The following MACROD2 variants were observed in gnomAD, a reference collection of about 807,000 sequenced individuals.
The protein encoded by MACROD2 is mono-ADP ribosylhydrolase 2.
A neutral mutation model predicts 70.4 loss-of-function variants in MACROD2; 36 were observed. That is an observed-to-expected ratio of 0.51 (90% CI 0.39 to 0.68). The LOEUF is 0.68. Ranked by LOEUF, MACROD2 falls within the 30% of genes least tolerant of loss-of-function variation. The pLI, the probability that MACROD2 is intolerant of heterozygous loss-of-function variation, is 0.00. For missense variants in MACROD2, 496 were observed against 538.4 expected (o/e 0.92, Z 0.78); for synonymous variants, 172 against 178.8 (o/e 0.96, Z 0.30).
chr20:14,355,565 ATG>A (rs1367218226), intron 3 of MACROD2, among the ~76,000 whole-genome samples: 1 of 145,160 alleles, frequency 6.9e-6, no homozygotes. Context: ...GTAACCATTT[ATG>A]TGGTTTTTTT....
chr20:15,139,850 TG>T (rs1464453763), intron 5 of MACROD2, among the ~76,000 whole-genome samples: 1 of 152,180 alleles, frequency 6.6e-6, no homozygotes, highest in Non-Finnish European at 1.5e-5. Flanking sequence ...GGTGGTGACA[TG>T]CACAAGTGGC....
intron 2 of MACROD2, among the ~76,000 whole-genome samples, chr20:14,058,091 T>C (rs1313986895): frequency 6.6e-6 from 1 of 152,198 alleles, no homozygotes. Flanking sequence ...ATTGGGCTTC[T>C]AGGTATTAGT....
intron 8 of MACROD2, among the ~76,000 whole-genome samples, chr20:15,568,396 G>A (rs549165663): frequency 6.6e-6 from 1 of 152,278 alleles, no homozygotes; most frequent in Non-Finnish European, 1.5e-5. Context: ...GGAATGTTCA[G>A]TGACTAGACA....
rs544400022 is a variant in MACROD2, at chr20:14,984,886, G to A, written c.419-245054G>A. 4.6e-5 allele frequency among the ~76,000 whole-genome samples: 7 copies of A among 152,250 alleles called. No homozygotes were observed. In the South Asian group the frequency reaches 1.2e-3, roughly 27 times the overall value. ...GCTCCACTCCACCTCTCAGGCTTTT[G>A]GTTTTATCAGATTGTGTCTATAACA... On this transcript the variant is annotated intron_variant, in intron 5 of 17. Transcript: ENST00000684519.
intron 3 of MACROD2, among the ~76,000 whole-genome samples, chr20:14,473,107 T>C (rs1279382523): frequency 6.6e-6 from 1 of 152,232 alleles, no homozygotes; most frequent in African/African-American, 2.4e-5. Context: ...GTATACAATA[T>C]GTAATGATCA....
At chr20:15,783,813 A>G (rs953819194) in intron 8 of MACROD2, among the ~76,000 whole-genome samples, 5 of 152,016 alleles carry the variant, frequency 3.3e-5, no homozygotes, top group Non-Finnish European at 7.4e-5. Flanking sequence ...AGACTGGTGG[A>G]GTTTACCCCA....
chr20:14,043,600 G>A (rs538645260), intron 2 of MACROD2, among the ~76,000 whole-genome samples: 6 of 152,182 alleles, frequency 3.9e-5, no homozygotes, highest in Non-Finnish European at 8.8e-5. Context: ...TAGACTGAGT[G>A]GGAAAACCTA....
chr20:14,653,112 G>C lies in MACROD2; in HGVS notation c.302-31731G>C, dbSNP rs1416962234. Among the ~76,000 whole-genome samples, 5 of 150,922 alleles carry C rather than the reference G, an allele frequency of 3.3e-5. No individual in the cohort carries two copies. In the South Asian group the frequency reaches 1.1e-3, roughly 32 times the overall value. ...GTTGCCCAGGCTGGAGTGCAATGGC[G>C]TGATCATGGCTCACTGCAGCCTCGA... is the stretch of plus-strand genomic sequence containing the variant. On this transcript the variant is annotated intron_variant, in intron 4 of 17. Coordinates refer to ENST00000684519, the MANE Select transcript of MACROD2 (RefSeq NM_001351661.2).
chr20:15,447,466 G>A (rs11698317), intron 7 of MACROD2, among the ~76,000 whole-genome samples: 17,005 of 152,204 alleles, frequency 0.11, 1,128 homozygotes, highest in South Asian at 0.27. Flanking sequence ...CACAGTGTTA[G>A]AGCTGCTAAA....
chr20:15,410,427 T>A (rs2046061180), intron 6 of MACROD2, among the ~76,000 whole-genome samples: 1 of 152,216 alleles, frequency 6.6e-6, no homozygotes, highest in African/African-American at 2.4e-5. Context: ...GAATATCATC[T>A]CTCATGGCTG....
chr20:14,071,258 T>G (rs185115454), intron 2 of MACROD2, among the ~76,000 whole-genome samples: 17,453 of 95,176 alleles, frequency 0.18, 1,827 homozygotes, highest in South Asian at 0.3. Context: ...TTGTGTTTTT[T>G]TTTTTTTTTT....
chr20:14,975,820 G>A (rs746657865), intron 5 of MACROD2, among the ~76,000 whole-genome samples: 4 of 152,148 alleles, frequency 2.6e-5, no homozygotes, highest in African/African-American at 9.7e-5. Flanking sequence ...CTGAAGCGGA[G>A]TGAGAACATT....
chr20:15,573,494 A>G (rs924996248), intron 8 of MACROD2, among the ~76,000 whole-genome samples: 2 of 152,198 alleles, frequency 1.3e-5, no homozygotes, highest in Admixed American at 1.3e-4. Context: ...TAATCAAGGC[A>G]TAGAAAGAAG....
At chr20:14,321,557 G>T (rs567600015) in intron 3 of MACROD2, among the ~76,000 whole-genome samples, 9 of 152,238 alleles carry the variant, frequency 5.9e-5, no homozygotes, top group African/African-American at 2.2e-4. Context: ...ATGCTAAGAA[G>T]GAAAAAGGAA....
Position 15,176,858 on chromosome 20 carries a change from G to A in MACROD2, c.419-53082G>A, listed in dbSNP as rs191096644. ...AGACCTAGGGAATCCCCTAGCCAGA[G>A]CTGTGACACCCTCTTTGGGGCTCTG... On this transcript the variant is annotated intron_variant, in intron 5 of 17. Transcript: ENST00000684519. Among the ~76,000 whole-genome samples the A allele has an allele frequency of 2.1e-3, 324 of 152,322 alleles. 1 individual carries two copies. The highest frequency in any genetic ancestry group is 3.7e-3 in the Non-Finnish European group (250 of 68,018).
chr20:14,231,148 T>TA (rs1601379478), intron 3 of MACROD2, among the ~76,000 whole-genome samples: 1 of 151,964 alleles, frequency 6.6e-6, no homozygotes, highest in Non-Finnish European at 1.5e-5. Context: ...CTTTTTTTTT[T>TA]AAATTATACT....
intron 10 of MACROD2, among the ~76,000 whole-genome samples, chr20:15,922,090 C>T (rs965109358): frequency 2.6e-5 from 4 of 152,124 alleles, no homozygotes; most frequent in Admixed American, 6.5e-5. Flanking sequence ...GCCCTCAGGC[C>T]GCATATTCAA....
intron 6 of MACROD2, among the ~76,000 whole-genome samples, chr20:15,379,594 C>T (rs1272112863): frequency 6.6e-6 from 1 of 152,128 alleles, no homozygotes; most frequent in Non-Finnish European, 1.5e-5. Flanking sequence ...CACTTCTTTT[C>T]TCCCCAAACT....
chr20:14,943,189 A>G (rs2074404440), intron 5 of MACROD2, among the ~76,000 whole-genome samples: 1 of 152,212 alleles, frequency 6.6e-6, no homozygotes, highest in South Asian at 2.1e-4. Flanking sequence ...TAGTTGTTGA[A>G]TTTTGACCAG....
Sources: allele counts gnomAD v4.1 joint callset (sites outside exome capture counted in the v4.1 genomes callset), GRCh38; gene constraint gnomAD v4.1.1; transcripts MANE v1.5; gene names NCBI Gene and HGNC (gene_info 2026-07-23, HGNC 2026-07-21).